P2RX6: variants seen among roughly 807,000 people sequenced by gnomAD.
P2RX6 encodes the protein P2X purinoceptor 6.
Under a neutral mutation model 54.2 loss-of-function variants are expected in P2RX6, and 62 were observed. The observed-to-expected ratio is 1.14, with a 90% CI of 0.93 to 1.41. P2RX6 has a LOEUF of 1.41. Ranked by LOEUF, P2RX6 falls within the 40% of genes most tolerant of loss-of-function variation. The pLI is 0.00. For synonymous variants in P2RX6, 211 were observed against 231.9 expected (o/e 0.91, Z 0.82); for missense variants, 541 against 566.3 (o/e 0.96, Z 0.45).
intron 2 of P2RX6, among the ~76,000 whole-genome samples, chr22:21,016,554 A>G (rs1399978762): frequency 1.4e-5 from 2 of 145,448 alleles, no homozygotes; most frequent in Non-Finnish European, 3.0e-5. Flanking sequence ...GCACCACTGC[A>G]CTCCAGCCTG....
intron 2 of P2RX6, among the ~76,000 whole-genome samples, chr22:21,016,557 C>T (rs1926421202): frequency 6.8e-6 from 1 of 146,150 alleles, no homozygotes; most frequent in Admixed American, 6.9e-5. Context: ...CCACTGCACT[C>T]CAGCCTGGGT....
chr22:21,016,156 G>C, intron 2 of P2RX6, 64 bp downstream of exon 2: 1 of 1,467,764 alleles, frequency 6.8e-7, no homozygotes, highest in Non-Finnish European at 9.3e-7. Flanking sequence ...CTGAACACCC[G>C]CCATGCAGCC....
chr22:21,027,065 T>G lies in P2RX6; in HGVS notation c.*448T>G. On this transcript the variant is annotated 3_prime_UTR_variant, in exon 12 of 12. Transcript: ENST00000413302. ...AGAGACCCCACCCTCCCATCGGTCC[T>G]ACATGGGGCTGTGCAGCTGGAGCCA... The G allele has an allele frequency of 5.5e-6, 1 of 182,182 alleles. No individual in the cohort carries two copies. Among genetic ancestry groups the G allele is most frequent in the East Asian group, 1.5e-4 (1 of 6,508 alleles). The allele number at this position is 182,182 out of a possible 1,614,324, so 11.3% of individuals were successfully genotyped here. A position where few individuals can be genotyped will look rare whatever the true frequency, so the allele number is the denominator to read the frequency against.
intron 3 of P2RX6, chr22:21,018,869 C>T (rs1452990067): frequency 6.6e-6 from 1 of 152,080 alleles, no homozygotes; most frequent in Non-Finnish European, 1.5e-5. Context: ...GATCCACCTG[C>T]CTCGGCCTCC....
At chr22:21,022,628 G>A (rs1026302562) in intron 3 of P2RX6, 48 bp from the exon 4 acceptor site, 4 of 1,388,180 alleles carry the variant, frequency 2.9e-6, no homozygotes, top group Non-Finnish European at 3.9e-6. Flanking sequence ...GGCTGTGGAG[G>A]GGAGACATCC....
upstream of P2RX6, among the ~76,000 whole-genome samples, chr22:21,013,424 G>A (rs3761414): frequency 1.8e-3 from 267 of 152,244 alleles, 4 homozygotes; most frequent in African/African-American, 6.2e-3. Flanking sequence ...AACATAGCGA[G>A]ATAAAAAATT....
Position 21,026,130 on chromosome 22 carries a change from G to A in P2RX6, c.1050+54G>A. The A allele has an allele frequency of 1.9e-6, 3 of 1,566,232 alleles. No individual in the cohort carries two copies. The highest frequency in any genetic ancestry group is 1.7e-6 in the Non-Finnish European group (2 of 1,151,204). On this transcript the variant is annotated intron_variant, in intron 10 of 11. Coordinates refer to ENST00000413302, the MANE Select transcript of P2RX6 (RefSeq NM_005446.5). The surrounding 1 kb of genome is among the most constrained non-coding windows in gnomAD (Gnocchi z 4.0). ...GGCTGCAGTGAGTGCTGCTGACCAGGGTGTGTCCAATGCATGCTGGAGCCT... is the reference window on the plus strand; with the variant it reads ...GGCTGCAGTGAGTGCTGCTGACCAGAGTGTGTCCAATGCATGCTGGAGCCT...
rs1928548840 is a variant in P2RX6 at position 21,026,869 on chromosome 22, G to A, written c.*252G>A. Reference sequence around the variant, plus strand: ...AGCCCAGCAGGCACCTGTATTGCAGGGCTCCGACTGCATGTGGCAGGGGCT... The same window carrying A: ...AGCCCAGCAGGCACCTGTATTGCAGAGCTCCGACTGCATGTGGCAGGGGCT... On this transcript the variant is annotated 3_prime_UTR_variant, in exon 12 of 12. Coordinates refer to ENST00000413302, the MANE Select transcript of P2RX6 (RefSeq NM_005446.5). The surrounding 1 kb of genome is among the most constrained non-coding windows in gnomAD (Gnocchi z 4.0). 3 of 660,528 alleles carry A rather than the reference G, an allele frequency of 4.5e-6. No individual in the cohort carries two copies. The highest frequency in any genetic ancestry group is 4.9e-6 in the Non-Finnish European group (2 of 408,330). The allele number at this position is 660,528 out of a possible 1,614,324, so 40.9% of individuals were successfully genotyped here. A position where few individuals can be genotyped will look rare whatever the true frequency, so the allele number is the denominator to read the frequency against.
Position 21,026,526 on chromosome 22 carries a change from C to A in P2RX6, c.1235C>A (p.Thr412Lys), listed in dbSNP as rs144113035. Residue 412 changes from threonine to lysine, a missense_variant, in exon 12 of 12, where the codon ACG (threonine) becomes AAG (lysine). By Grantham distance (78) the Thr-to-Lys change is moderately conservative. Transcript: ENST00000413302. The surrounding 1 kb of genome is among the most constrained non-coding windows in gnomAD (Gnocchi z 4.0). ...AGACGGAGCTCAGCACCTGCACCCA[C>A]GGCCACTGCTGCTGGGAGTCAGACA... The part of the protein sequence containing the change: ...CLRRSSAPAP[T>K]ATAAGSQTQT... The A allele has an allele frequency of 1.6e-5, 25 of 1,590,950 alleles. No homozygotes were observed. The East Asian group carries it at 5.1e-4, about 32-fold the overall frequency.
upstream of P2RX6, among the ~76,000 whole-genome samples, chr22:21,010,702 C>G (rs1490784149): frequency 6.6e-6 from 1 of 152,150 alleles, no homozygotes; most frequent in Non-Finnish European, 1.5e-5. Flanking sequence ...AGCAAACACT[C>G]AGGGGCATGA....
At position 21,023,397 on chromosome 22, in the gene P2RX6, T is replaced by C. The variant is rs755192661; in HGVS notation, c.761T>C (p.Phe254Ser). ...CTCGTGGCCAAGGCTGGAGGGACCT[T>C]CGAGGACCTGGCGTTGCTGGTGGGT... ...GDLVAKAGGTFEDLALLGGSV... is the reference protein window; with the variant it reads ...GDLVAKAGGTSEDLALLGGSV... Residue 254 changes from phenylalanine to serine, a missense_variant, in exon 7 of 12, where the codon TTC becomes TCC. This residue lies in a region of P2RX6 where 526 missense variants were observed against 531.5 expected (regional missense o/e 0.99). Transcript: ENST00000413302. The C allele has an allele frequency of 1.2e-6, 2 of 1,614,008 alleles. No individual in the cohort carries two copies. The highest frequency in any genetic ancestry group is 2.2e-5 in the South Asian group (2 of 91,090).
chr22:21,015,644 A>G (rs1399360287), intron 1 of P2RX6, among the ~76,000 whole-genome samples: 7 of 152,114 alleles, frequency 4.6e-5, no homozygotes, highest in African/African-American at 1.7e-4. Flanking sequence ...AGAGACCACC[A>G]GCTGTATCTC....
chr22:21,020,242 C>T (rs1275097830), intron 3 of P2RX6, among the ~76,000 whole-genome samples: 1 of 152,210 alleles, frequency 6.6e-6, no homozygotes, highest in Non-Finnish European at 1.5e-5. Context: ...TGTCTGCAAC[C>T]ACACTTCTGG....
chr22:21,023,091 A>C, intron 5 of P2RX6, 27 bp from the exon 6 acceptor site: 1 of 1,613,222 alleles, frequency 6.2e-7, no homozygotes, highest in Non-Finnish European at 8.5e-7. Flanking sequence ...GGCCTGGCAG[A>C]GGCTGTCACC....
intron 3 of P2RX6, among the ~76,000 whole-genome samples, chr22:21,020,944 A>T (rs780534578): frequency 1.8e-4 from 28 of 151,952 alleles, no homozygotes; most frequent in Admixed American, 7.2e-4. Context: ...TTGAAGCAGG[A>T]TGTCGACACA....
In P2RX6 at chr22:21,023,585, C is replaced by A. The variant is rs771119253; in HGVS notation, c.857C>A (p.Ser286Tyr). The A allele has an allele frequency of 9.7e-5, 157 of 1,612,380 alleles. No homozygotes were observed. The highest frequency in any genetic ancestry group is 1.2e-4 in the Non-Finnish European group (146 of 1,179,238). ...TGDSGCWPHY[S>Y]FQLQEKSYNF... is the part of the protein sequence containing the mutation. The stretch of plus-strand genomic sequence containing the variant: ...GACTCTGGCTGCTGGCCTCACTACT[C>A]CTTCCAGCTGCAGGAGAAGAGCTAC... Residue 286 changes from serine (S) to tyrosine (Y), a missense_variant, in exon 8 of 12, where the codon TCC becomes TAC. Ser to Tyr is a moderately radical substitution (Grantham distance 144, BLOSUM62 -2). This residue lies in a region of P2RX6 where 526 missense variants were observed against 531.5 expected (regional missense o/e 0.99). Transcript: ENST00000413302.
At chr22:21,024,878 GTTT>G (rs562371289) in intron 8 of P2RX6, among the ~76,000 whole-genome samples, 2 of 110,752 alleles carry the variant, frequency 1.8e-5, no homozygotes, top group Non-Finnish European at 3.4e-5. Flanking sequence ...TTTTTTTTGT[GTTT>G]TTTTTTTTTT....
At position 21,018,024 on chromosome 22, in the gene P2RX6, T is replaced by G. The variant is rs761307240; in HGVS notation, c.351T>G (p.Leu117=). The G allele has an allele frequency of 2.5e-5, 40 of 1,613,152 alleles. 1 individual carries two copies. The highest frequency in any genetic ancestry group is 3.3e-5 in the Non-Finnish European group (39 of 1,179,434). The change falls in exon 3 of 12, where the codon CTT becomes CTG. Residue 117 remains leucine (L), a synonymous_variant. Coordinates refer to ENST00000413302, the MANE Select transcript of P2RX6 (RefSeq NM_005446.5). ...ENVFFLVTNF[L]VTPAQVQGRC... is the part of the protein sequence containing the mutation. ...TGTTCTTCTTGGTGACCAACTTCCT[T>G]GTGACGCCAGCCCAAGTTCAGGGCA...
chr22:21,014,903 C>A (rs1181432523), upstream of P2RX6: 6 of 386,072 alleles, frequency 1.6e-5, no homozygotes, highest in African/African-American at 1.3e-4. Flanking sequence ...CCGTCTCCAC[C>A]CTCCCACCAC....
Sources: allele counts gnomAD v4.1 joint callset (sites outside exome capture counted in the v4.1 genomes callset), GRCh38; gene constraint gnomAD v4.1.1; regional missense constraint gnomAD v4.1.1; non-coding constraint Gnocchi (gnomAD v3.1); transcripts MANE v1.5; gene names NCBI Gene and HGNC (gene_info 2026-07-23, HGNC 2026-07-21).